PRDM16: variants seen among roughly 807,000 people sequenced by gnomAD.
The protein encoded by PRDM16 is PR/SET domain 16.
Under a neutral mutation model 110.6 loss-of-function variants are expected in PRDM16, and 23 were observed. The observed-to-expected ratio is 0.21, with a 90% CI of 0.15 to 0.29. The LOEUF is 0.29. Among genes scored for constraint, PRDM16 ranks in the 10% least tolerant of loss-of-function variants. The pLI is 1.00. For missense variants in PRDM16, 1,615 were observed against 1,794.3 expected (o/e 0.90, Z 1.81); for synonymous variants, 799 against 781.8 (o/e 1.02, Z -0.37).
At chr1:3,367,038 C>A (rs193019922) in intron 3 of PRDM16, among the ~76,000 whole-genome samples, 119 of 152,312 alleles carry the variant, frequency 7.8e-4, no homozygotes, top group Admixed American at 1.6e-3. Context: ...GAGGCCGAGG[C>A]CGGTGGATCA....
intron 2 of PRDM16, among the ~76,000 whole-genome samples, chr1:3,240,067 AGAGGAGAG>A (rs1639631578): frequency 3.1e-5 from 2 of 64,074 alleles, no homozygotes; most frequent in Non-Finnish European, 6.5e-5. Context: ...AGAGGAGAGG[AGAGGAGAG>A]GAGAGGAGAG....
intron 1 of PRDM16, among the ~76,000 whole-genome samples, chr1:3,150,303 C>G (rs1373837537): frequency 2.0e-5 from 3 of 151,888 alleles, no homozygotes; most frequent in African/African-American, 7.3e-5. Context: ...CGCCTGTAAT[C>G]CCAGCACTTT....
chr1:3,335,187 C>A (rs548382922), intron 3 of PRDM16, among the ~76,000 whole-genome samples: 1 of 152,354 alleles, frequency 6.6e-6, no homozygotes, highest in Admixed American at 6.5e-5. Context: ...ACAGCCCCAG[C>A]GTCCTGCTCT....
rs1641707241 is a variant in PRDM16 at position 3,069,940 on chromosome 1, A to G, written c.37+644A>G. ...ACAGCCGCAGCCACTTGGGGAGCAA[A>G]ATGGAGACTTTTGCCCGGGCTGGGA... is the stretch of plus-strand genomic sequence containing the variant. On this transcript the variant is annotated intron_variant, in intron 1 of 16. Transcript: ENST00000270722. The surrounding 1 kb of genome is among the most constrained non-coding windows in gnomAD (Gnocchi z 6.1). Among the ~76,000 whole-genome samples the G allele has an allele frequency of 6.6e-6, 1 of 151,648 alleles. No individual in the cohort carries two copies. Among genetic ancestry groups the G allele is most frequent in the Admixed American group, 6.6e-5 (1 of 15,264 alleles).
chr1:3,345,732 T>C (rs1053672873), intron 3 of PRDM16, among the ~76,000 whole-genome samples: 2 of 150,262 alleles, frequency 1.3e-5, no homozygotes, highest in African/African-American at 4.9e-5. Context: ...CCTCCCGTGC[T>C]GCCCCCTCTG....
chr1:3,104,140 C>T (rs1014769082), intron 1 of PRDM16, among the ~76,000 whole-genome samples: 4 of 152,304 alleles, frequency 2.6e-5, no homozygotes, highest in East Asian at 1.9e-4. Context: ...CAGGGTCCCC[C>T]GAGGTCTGAT....
intron 3 of PRDM16, among the ~76,000 whole-genome samples, chr1:3,286,056 C>G (rs1325210498): frequency 1.3e-5 from 2 of 152,196 alleles, no homozygotes; most frequent in Non-Finnish European, 2.9e-5. Flanking sequence ...AATGCTAATG[C>G]CATTTTTTAA....
chr1:3,135,573 GC>G (rs1410163507), intron 1 of PRDM16, among the ~76,000 whole-genome samples: 1 of 151,998 alleles, frequency 6.6e-6, no homozygotes, highest in Non-Finnish European at 1.5e-5. Flanking sequence ...CCCCTCCGTG[GC>G]CCGCAGGTGA....
Position 3,404,759 on chromosome 1 carries a change from T to C in PRDM16, c.905T>C (p.Ile302Thr), listed in dbSNP as rs745431179. Residue 302 changes from isoleucine (I) to threonine (T), a missense_variant, in exon 7 of 17, where the codon ATC becomes ACC. Physicochemically the swap from Ile to Thr is moderately conservative, Grantham distance 89. Transcript: ENST00000270722. Reference protein sequence around the residue: ...NKYSLEQHMVIHTEEREYKCD... With the variant: ...NKYSLEQHMVTHTEEREYKCD... ...CGCAGCCTGGAGCAGCACATGGTCATCCACACGGAGGAGCGCGAGTACAAA... is the reference window on the plus strand; with the variant it reads ...CGCAGCCTGGAGCAGCACATGGTCACCCACACGGAGGAGCGCGAGTACAAA... 1.4e-5 allele frequency: 22 copies of C among 1,613,496 alleles called. No homozygotes were observed. Among genetic ancestry groups the C allele is most frequent in the Non-Finnish European group, 1.9e-5 (22 of 1,179,964 alleles).
chr1:3,275,426 C>T (rs968581717), intron 3 of PRDM16, among the ~76,000 whole-genome samples: 8 of 152,228 alleles, frequency 5.3e-5, no homozygotes, highest in Admixed American at 3.3e-4. Context: ...ACCCCTACCC[C>T]GCTGCAGGAC....
chr1:3,251,900 A>AAC (rs1639942120), intron 3 of PRDM16, among the ~76,000 whole-genome samples: 1 of 152,158 alleles, frequency 6.6e-6, no homozygotes, highest in African/African-American at 2.4e-5. Context: ...TTTAAACACG[A>AAC]ACACACACCT....
chr1:3,310,798 G>A (rs934472959), intron 3 of PRDM16, among the ~76,000 whole-genome samples: 1 of 152,042 alleles, frequency 6.6e-6, no homozygotes, highest in African/African-American at 2.4e-5. Context: ...ATGTCTGTGT[G>A]TGTGTATGTG....
At chr1:3,385,129 C>T (rs372955360) in intron 3 of PRDM16, 23 bp from the exon 4 acceptor site, 113 of 1,612,856 alleles carry the variant, frequency 7.0e-5, no homozygotes, top group Non-Finnish European at 9.1e-5. Context: ...CCTCTGACTC[C>T]CGCTTCGCTT....
intron 2 of PRDM16, among the ~76,000 whole-genome samples, chr1:3,192,554 C>T (rs747920176): frequency 6.6e-6 from 1 of 152,136 alleles, no homozygotes; most frequent in African/African-American, 2.4e-5. Context: ...GCCTTTCTAC[C>T]GTTTTCATGG....
chr1:3,214,522 C>A (rs1638975806), intron 2 of PRDM16, among the ~76,000 whole-genome samples: 1 of 152,212 alleles, frequency 6.6e-6, no homozygotes, highest in Non-Finnish European at 1.5e-5. Flanking sequence ...TGTGGCAAAA[C>A]CCTGTCTCTA....
intron 5 of PRDM16, among the ~76,000 whole-genome samples, chr1:3,397,140 A>G (rs997200188): frequency 1.3e-5 from 2 of 152,204 alleles, no homozygotes; most frequent in African/African-American, 2.4e-5. Context: ...TCAAAGCAAA[A>G]TGTGCATCTG....
intron 1 of PRDM16, among the ~76,000 whole-genome samples, chr1:3,158,287 G>T (rs1048156186): frequency 4.6e-5 from 7 of 152,160 alleles, no homozygotes; most frequent in African/African-American, 1.7e-4. Flanking sequence ...CCTCAAGGGG[G>T]TTGCTTTCCC....
chr1:3,087,942 G>A (rs1466000725), intron 1 of PRDM16, among the ~76,000 whole-genome samples: 1 of 151,960 alleles, frequency 6.6e-6, no homozygotes. Context: ...TCAGTGAGCT[G>A]TTTCCCTCCG....
intron 2 of PRDM16, among the ~76,000 whole-genome samples, chr1:3,195,347 G>A (rs770655906): frequency 6.6e-6 from 1 of 152,130 alleles, no homozygotes; most frequent in Non-Finnish European, 1.5e-5. Context: ...GGAGGCACGG[G>A]TATATAAGGA....
Sources: allele counts gnomAD v4.1 joint callset (sites outside exome capture counted in the v4.1 genomes callset), GRCh38; gene constraint gnomAD v4.1.1; non-coding constraint Gnocchi (gnomAD v3.1); transcripts MANE v1.5; gene names NCBI Gene and HGNC (gene_info 2026-07-23, HGNC 2026-07-21).